Variants in PCDH15 observed in about 807,000 individuals in gnomAD.
PCDH15 encodes protocadherin-15.
A neutral mutation model predicts 178.5 loss-of-function variants in PCDH15; 129 were observed. The ratio of observed to expected loss-of-function variants is 0.72; its 90% CI spans 0.63 to 0.84. The LOEUF (loss-of-function observed/expected upper bound fraction) is 0.84. Among genes scored for constraint, PCDH15 ranks in the 40% least tolerant of loss-of-function variants. The probability of loss-of-function intolerance (pLI) is 0.00; values close to 1 mark genes in which losing one functional copy is unlikely to be tolerated. For synonymous variants in PCDH15, 800 were observed against 732.0 expected, an observed-to-expected ratio of 1.09 and a Z score of -1.50; for missense variants, 2,230 against 2,099.9, an observed-to-expected ratio of 1.06 and a Z score of -1.21.
At chr10:54,917,202 A>G (rs1002648736) in intron 2 of PCDH15, among the ~76,000 whole-genome samples, 1 of 152,180 alleles carries the variant, frequency 6.6e-6, no homozygotes, top group African/African-American at 2.4e-5. Flanking sequence ...TGTGGTGGGT[A>G]ATATTTTCTG....
intron 15 of PCDH15, among the ~76,000 whole-genome samples, chr10:54,112,153 A>G (rs1201155454): frequency 6.6e-6 from 1 of 151,926 alleles, no homozygotes; most frequent in Non-Finnish European, 1.5e-5. Context: ...AAATAAATAA[A>G]TAAATAAATA....
intron 6 of PCDH15, 115 bp downstream of exon 6, chr10:54,346,250 T>C (rs1943259297): frequency 1.1e-6 from 1 of 949,208 alleles, no homozygotes; most frequent in African/African-American, 1.7e-5. Flanking sequence ...TAAATAATAG[T>C]ATCATTACTA....
At chr10:53,957,967 G>A (rs1312125729) in intron 23 of PCDH15, among the ~76,000 whole-genome samples, 2 of 152,232 alleles carry the variant, frequency 1.3e-5, no homozygotes, top group Non-Finnish European at 2.9e-5. Context: ...AGATTTTCTG[G>A]TAATTATATT....
At chr10:54,601,272 G>C (rs962463266) in intron 2 of PCDH15, among the ~76,000 whole-genome samples, 1 of 151,902 alleles carries the variant, frequency 6.6e-6, no homozygotes, top group Non-Finnish European at 1.5e-5. Context: ...ATTATTTGCA[G>C]ATTATGTAGC....
At chr10:55,468,248 A>G (rs777583114) in intron 2 of PCDH15, 10 of 152,156 alleles carry the variant, frequency 6.6e-5, no homozygotes, top group Non-Finnish European at 1.0e-4. Context: ...TACAACTCAG[A>G]TAAGTCTGCC....
rs147553270 is a variant in PCDH15, at chr10:55,079,648, T to C, written c.-80+86928A>G. The stretch of plus-strand genomic sequence containing the variant: ...GTGGGCAGGCAGGCTCTTAGGCCCC[T>C]GGACAGCTAGTGTGGCATGGGCAAT... On this transcript the variant is annotated intron_variant, in intron 2 of 5. Transcript: ENST00000458638. Among the ~76,000 whole-genome samples, 9 of 152,274 alleles carry C rather than the reference T, an allele frequency of 5.9e-5. No individual in the cohort carries two copies. The East Asian group carries it at 9.7e-4, about 16-fold the overall frequency.
chr10:55,563,785 G>T (rs2132101938), intron 2 of PCDH15, among the ~76,000 whole-genome samples: 1 of 151,560 alleles, frequency 6.6e-6, no homozygotes, highest in South Asian at 2.1e-4. Flanking sequence ...GAGACAGAAA[G>T]GCTAAAAATG....
intron 15 of PCDH15, among the ~76,000 whole-genome samples, chr10:54,104,947 G>T (rs1380714448): frequency 1.3e-5 from 2 of 151,230 alleles, no homozygotes; most frequent in South Asian, 2.1e-4. Context: ...CATAGTCAAA[G>T]GTATTATGTA....
intron 15 of PCDH15, among the ~76,000 whole-genome samples, chr10:54,118,363 T>C (rs549204849): frequency 1.3e-5 from 2 of 151,946 alleles, no homozygotes; most frequent in South Asian, 4.1e-4. Context: ...TTTCATCATA[T>C]AAAAAAAAGT....
chr10:54,001,091 A>G (rs1363477325), intron 20 of PCDH15, among the ~76,000 whole-genome samples: 1 of 152,192 alleles, frequency 6.6e-6, no homozygotes, highest in African/African-American at 2.4e-5. Context: ...TCTGGTTAAA[A>G]TATCCTTCAA....
intron 2 of PCDH15, among the ~76,000 whole-genome samples, chr10:54,592,332 C>T (rs573713420): frequency 6.6e-6 from 1 of 151,856 alleles, no homozygotes; most frequent in African/African-American, 2.4e-5. Flanking sequence ...TTCCTCCTTT[C>T]CTTTCTTCCT....
intron 2 of PCDH15, among the ~76,000 whole-genome samples, chr10:54,569,800 A>C (rs752312665): frequency 2.6e-5 from 4 of 152,192 alleles, no homozygotes; most frequent in Non-Finnish European, 5.9e-5. Context: ...TGTCCTATAC[A>C]TCAAGATTCT....
At chr10:55,030,468 C>T (rs1325290439) in intron 2 of PCDH15, among the ~76,000 whole-genome samples, 1 of 152,100 alleles carries the variant, frequency 6.6e-6, no homozygotes, top group African/African-American at 2.4e-5. Flanking sequence ...TAATACAAGG[C>T]TTAGCAAATT....
chr10:55,035,697 A>G (rs1840718354), intron 2 of PCDH15, among the ~76,000 whole-genome samples: 1 of 152,210 alleles, frequency 6.6e-6, no homozygotes, highest in Non-Finnish European at 1.5e-5. Flanking sequence ...TGAGGTATGG[A>G]TAATTATGCA....
intron 2 of PCDH15, among the ~76,000 whole-genome samples, chr10:55,460,101 A>G (rs1016881109): frequency 2.0e-5 from 3 of 151,990 alleles, no homozygotes; most frequent in Non-Finnish European, 2.9e-5. Flanking sequence ...GAAAACAGGA[A>G]TGCCACAGAG....
At chr10:55,285,106 T>G (rs1187458105) in intron 1 of PCDH15, among the ~76,000 whole-genome samples, 1 of 149,124 alleles carries the variant, frequency 6.7e-6, no homozygotes, top group African/African-American at 2.4e-5. Flanking sequence ...TATAATTCTT[T>G]TATATGGTAA....
chr10:53,815,682 C>T (rs1261875843), intron 35 of PCDH15, among the ~76,000 whole-genome samples: 4 of 151,706 alleles, frequency 2.6e-5, no homozygotes, highest in African/African-American at 7.3e-5. Context: ...AGTAGGATGT[C>T]TGTGTTTTTA....
intron 2 of PCDH15, among the ~76,000 whole-genome samples, chr10:54,614,832 C>G (rs944321252): frequency 6.6e-6 from 1 of 151,944 alleles, no homozygotes; most frequent in African/African-American, 2.4e-5. Context: ...TACTTATTAC[C>G]TCTTCCTTGA....
intron 2 of PCDH15, among the ~76,000 whole-genome samples, chr10:55,039,107 C>G (rs17599730): frequency 6.6e-6 from 1 of 151,760 alleles, no homozygotes; most frequent in African/African-American, 2.4e-5. Context: ...TTCCCTCTCT[C>G]CATACCTTCC....
Sources: allele counts gnomAD v4.1 joint callset (sites outside exome capture counted in the v4.1 genomes callset), GRCh38; gene constraint gnomAD v4.1.1; transcripts MANE v1.5; gene names NCBI Gene and HGNC (gene_info 2026-07-23, HGNC 2026-07-21).